TMEM117: variants seen among roughly 807,000 people sequenced by gnomAD.
TMEM117 encodes transmembrane protein 117.
TMEM117 carries 27 observed loss-of-function variants against 52.4 expected under a neutral mutation model. The observed-to-expected ratio is 0.51, with a 90% CI of 0.38 to 0.71. The LOEUF (loss-of-function observed/expected upper bound fraction) is 0.71. Among genes scored for constraint, TMEM117 ranks in the 30% least tolerant of loss-of-function variants. The probability of loss-of-function intolerance (pLI) is 0.00; values close to 1 mark genes in which losing one functional copy is unlikely to be tolerated. For missense variants in TMEM117, 556 were observed against 630.5 expected (o/e 0.88, Z 1.26); for synonymous variants, 215 against 206.3 (o/e 1.04, Z -0.36).
At chr12:43,815,485 C>G in the TMEM117 span, among the ~76,000 whole-genome samples, 365 of 152,250 alleles carry the variant, frequency 2.4e-3, 3 homozygotes, top group Non-Finnish European at 4.7e-3. Context: ...GCTGAAGACA[C>G]AGGAGAGGTG....
At chr12:43,875,873 G>A (rs1046247212) in intron 2 of TMEM117, among the ~76,000 whole-genome samples, 1 of 151,612 alleles carries the variant, frequency 6.6e-6, no homozygotes, top group Non-Finnish European at 1.5e-5. Flanking sequence ...TTTTTCCCCT[G>A]GGATGATATG....
At position 43,844,839 on chromosome 12, in the gene TMEM117, G is replaced by A. The variant is rs200891133; in HGVS notation, c.188G>A (p.Gly63Asp). 3.1e-6 allele frequency: 5 copies of A among 1,614,194 alleles called. No individual in the cohort carries two copies. The highest frequency in any genetic ancestry group is 1.7e-5 in the Admixed American group (1 of 60,020). Residue 63 changes from glycine to aspartate, a missense_variant, in exon 2 of 8, where the codon GGC (glycine) becomes GAC (aspartate). Physicochemically the swap from Gly to Asp is moderately conservative, Grantham distance 94. This residue lies in a region of TMEM117 where 328 missense variants were observed against 371.4 expected (regional missense o/e 0.88). Coordinates refer to ENST00000266534, the MANE Select transcript of TMEM117 (RefSeq NM_032256.3). ...ACAAATAAATACCCTAGAGGAGTTG[G>A]CTGGAGGATTTTGAAGGTGCTTCTA... ...FVTNKYPRGVGWRILKVLLWL... is the reference protein window; with the variant it reads ...FVTNKYPRGVDWRILKVLLWL...
At chr12:44,289,113 A>T (rs1166991586) in intron 5 of TMEM117, among the ~76,000 whole-genome samples, 3 of 152,076 alleles carry the variant, frequency 2.0e-5, no homozygotes, top group Non-Finnish European at 2.9e-5. Flanking sequence ...ACCATACAGT[A>T]TGGGTATTTC....
chr12:44,219,709 T>C (rs528878307), intron 5 of TMEM117, among the ~76,000 whole-genome samples: 2 of 152,160 alleles, frequency 1.3e-5, no homozygotes, highest in Admixed American at 6.5e-5. Context: ...CAGCATTTTA[T>C]TGGGGACACT....
chr12:44,378,617 C>T (rs78302494), intron 7 of TMEM117, among the ~76,000 whole-genome samples: 4,384 of 152,202 alleles, frequency 0.029, 101 homozygotes, highest in African/African-American at 0.06. Flanking sequence ...GGATGAAAGA[C>T]TAGTTCAACT....
At chr12:44,152,670 A>C (rs969057687) in intron 4 of TMEM117, among the ~76,000 whole-genome samples, 3 of 132,708 alleles carry the variant, frequency 2.3e-5, no homozygotes. Context: ...ATCATATATA[A>C]TTTTTATATA....
intron 4 of TMEM117, among the ~76,000 whole-genome samples, chr12:44,150,791 T>G (rs1948710737): frequency 6.6e-6 from 1 of 152,074 alleles, no homozygotes; most frequent in South Asian, 2.1e-4. Flanking sequence ...TAAGTGATGA[T>G]CAAGAGTCTT....
At chr12:43,967,362 G>A (rs531659536) in intron 3 of TMEM117, among the ~76,000 whole-genome samples, 82 of 152,054 alleles carry the variant, frequency 5.4e-4, no homozygotes, top group African/African-American at 2.0e-3. Context: ...GGACTCGAGC[G>A]ATCCTCCCAC....
At chr12:43,821,099 TAA>T in the TMEM117 span, among the ~76,000 whole-genome samples, 28 of 112,256 alleles carry the variant, frequency 2.5e-4, no homozygotes, top group Middle Eastern at 4.9e-3. Flanking sequence ...CCTCTCACAT[TAA>T]AAAAAAAAAA....
At chr12:44,078,599 T>G (rs1259196772) in intron 3 of TMEM117, among the ~76,000 whole-genome samples, 1 of 152,230 alleles carries the variant, frequency 6.6e-6, no homozygotes, top group Non-Finnish European at 1.5e-5. Flanking sequence ...ATGTTTACAT[T>G]TCAATTTTTT....
At chr12:44,038,125 T>A (rs1040038648) in intron 3 of TMEM117, among the ~76,000 whole-genome samples, 1 of 152,118 alleles carries the variant, frequency 6.6e-6, no homozygotes, top group African/African-American at 2.4e-5. Flanking sequence ...ACTCAGGACC[T>A]GCCAAATGGT....
chr12:44,102,800 CTTG>C (rs1592518443), intron 3 of TMEM117, among the ~76,000 whole-genome samples: 1 of 151,962 alleles, frequency 6.6e-6, no homozygotes, highest in Admixed American at 6.6e-5. Context: ...ATAATCCCCA[CTTG>C]TTGTGGGAGG....
intron 3 of TMEM117, among the ~76,000 whole-genome samples, chr12:44,026,817 TTC>T (rs1225846075): frequency 1.1e-4 from 16 of 152,078 alleles, no homozygotes; most frequent in Admixed American, 3.3e-4. Flanking sequence ...CACTATTATT[TTC>T]TGTTTGTATA....
chr12:44,298,679 A>G (rs1950799050), intron 5 of TMEM117, among the ~76,000 whole-genome samples: 1 of 151,052 alleles, frequency 6.6e-6, no homozygotes. Context: ...AAAGATAGAT[A>G]AGAGAAAATG....
intron 3 of TMEM117, among the ~76,000 whole-genome samples, chr12:44,070,886 T>C (rs1478067728): frequency 6.6e-6 from 1 of 152,186 alleles, no homozygotes; most frequent in African/African-American, 2.4e-5. Context: ...GTCCCAGAGC[T>C]GAGCTTCCGC....
the TMEM117 span, among the ~76,000 whole-genome samples, chr12:43,823,761 C>T: frequency 1.3e-5 from 2 of 152,060 alleles, no homozygotes; most frequent in Non-Finnish European, 1.5e-5. Context: ...ATCCACCCAC[C>T]TCAGCCTCCC....
At chr12:43,999,507 T>A (rs935667074) in intron 3 of TMEM117, among the ~76,000 whole-genome samples, 4 of 152,090 alleles carry the variant, frequency 2.6e-5, no homozygotes, top group Non-Finnish European at 5.9e-5. Flanking sequence ...TGAGACAGAG[T>A]CTGGCTGTGT....
chr12:43,888,602 C>G (rs2137470878), intron 2 of TMEM117, among the ~76,000 whole-genome samples: 1 of 136,510 alleles, frequency 7.3e-6, no homozygotes, highest in East Asian at 2.2e-4. Context: ...GGCTGGAGTG[C>G]AGTGGCATGA....
At chr12:44,177,423 A>T (rs1949131032) in intron 4 of TMEM117, among the ~76,000 whole-genome samples, 1 of 152,124 alleles carries the variant, frequency 6.6e-6, no homozygotes, top group South Asian at 2.1e-4. Context: ...CACACACATA[A>T]TCATAAGCAC....
Sources: allele counts gnomAD v4.1 joint callset (sites outside exome capture counted in the v4.1 genomes callset), GRCh38; gene constraint gnomAD v4.1.1; regional missense constraint gnomAD v4.1.1; transcripts MANE v1.5; gene names NCBI Gene and HGNC (gene_info 2026-07-23, HGNC 2026-07-21).